PAFAH2: variants seen among roughly 807,000 people sequenced by gnomAD.
PAFAH2 encodes platelet activating factor acetylhydrolase 2.
A neutral mutation model predicts 49.0 loss-of-function variants in PAFAH2; 42 were observed. The observed-to-expected ratio is 0.86, with a 90% CI of 0.67 to 1.11. The LOEUF is 1.11. PAFAH2 is among the 50% of genes least tolerant of loss of function. The probability of loss-of-function intolerance (pLI) is 0.00; values close to 1 mark genes in which losing one functional copy is unlikely to be tolerated. For missense variants in PAFAH2, 503 were observed against 501.8 expected (o/e 1.00, Z -0.02); for synonymous variants, 184 against 181.3 (o/e 1.01, Z -0.12).
At chr1:25,974,031 T>C (rs1557517436) in intron 9 of PAFAH2, among the ~76,000 whole-genome samples, 2 of 152,232 alleles carry the variant, frequency 1.3e-5, no homozygotes, top group South Asian at 2.1e-4. Flanking sequence ...AGAAGGTTTA[T>C]GGAAGACAAC....
intron 8 of PAFAH2, 49 bp from the exon 9 acceptor site, chr1:25,974,699 A>G: frequency 6.4e-7 from 1 of 1,568,754 alleles, no homozygotes; most frequent in Non-Finnish European, 8.7e-7. Context: ...CCCAGGCAAG[A>G]ATAGTTAGGG....
At position 25,972,626 on chromosome 1, in the gene PAFAH2, C is replaced by G. The variant is rs1205970893; in HGVS notation, c.1016G>C (p.Ser339Thr). Residue 339 changes from serine to threonine, a missense_variant, in exon 10 of 11, where the codon AGC (serine) becomes ACC (threonine). Transcript: ENST00000374282. Reference protein sequence around the residue: ...GKFFSTETRGSLDPYEGQEVM... With the variant: ...GKFFSTETRGTLDPYEGQEVM... ...CTCCTGCCCTTCATAGGGGTCCAGG[C>G]TCCCACGGGTTTCAGTGGAGAAGAA... The G allele has an allele frequency of 1.2e-6, 2 of 1,613,924 alleles. No homozygotes were observed. Among genetic ancestry groups the G allele is most frequent in the Non-Finnish European group, 1.7e-6 (2 of 1,179,822 alleles).
At chr1:25,977,819 T>C (rs1278035779) in intron 7 of PAFAH2, among the ~76,000 whole-genome samples, 2 of 152,222 alleles carry the variant, frequency 1.3e-5, no homozygotes, top group Middle Eastern at 3.4e-3. Context: ...TGGACTGAGC[T>C]GAGGGTGAAA....
At chr1:25,992,315 C>G (rs1208067587) in intron 1 of PAFAH2, among the ~76,000 whole-genome samples, 2 of 151,992 alleles carry the variant, frequency 1.3e-5, no homozygotes, top group Non-Finnish European at 2.9e-5. Context: ...GAAGAAAGCA[C>G]TTATAGAAAA....
chr1:25,989,570 T>C lies in PAFAH2; in HGVS notation c.122A>G (p.Gln41Arg), dbSNP rs1268778896. Residue 41 changes from glutamine to arginine, a missense_variant, in exon 3 of 11, where the codon CAA becomes CGA. Transcript: ENST00000374282. ...CTGCTCCATGGTCTCCTCTGCCTTT[T>C]GGCAGGGGTAGAAGAGTCGAAAGAA... ...GSFFRLFYPC[Q>R]KAEETMEQPL... 3 of 1,608,692 alleles carry C rather than the reference T, an allele frequency of 1.9e-6. No individual in the cohort carries two copies. Among genetic ancestry groups the C allele is most frequent in the Non-Finnish European group, 2.5e-6 (3 of 1,177,462 alleles).
At chr1:25,994,837 G>C (rs1379374731) in intron 1 of PAFAH2, among the ~76,000 whole-genome samples, 3 of 152,144 alleles carry the variant, frequency 2.0e-5, no homozygotes, top group Admixed American at 2.0e-4. Context: ...GGTGCTCCTG[G>C]AAAGTTTCTG....
chr1:25,973,639 G>A (rs985205533), intron 9 of PAFAH2, among the ~76,000 whole-genome samples: 1 of 152,158 alleles, frequency 6.6e-6, no homozygotes, highest in East Asian at 1.9e-4. Flanking sequence ...GTGGCCCTAG[G>A]AAAGAGGGCC....
intron 9 of PAFAH2, 140 bp downstream of exon 9, chr1:25,974,340 G>T (rs2049554367): frequency 7.0e-6 from 4 of 574,418 alleles, no homozygotes; most frequent in South Asian, 7.1e-5. Context: ...AATTCTAAAA[G>T]AATTTAGACT....
intron 6 of PAFAH2, 79 bp from the exon 7 acceptor site, chr1:25,982,556 G>C: frequency 8.9e-7 from 1 of 1,119,884 alleles, no homozygotes; most frequent in South Asian, 1.3e-5. Context: ...ACAGAGCCAA[G>C]GAAGAATGCA....
chr1:25,991,719 C>T (rs2049879177), intron 1 of PAFAH2, among the ~76,000 whole-genome samples: 1 of 151,634 alleles, frequency 6.6e-6, no homozygotes, highest in Admixed American at 6.6e-5. Context: ...ATGGCGAAAC[C>T]CCGTCTCTAC....
At chr1:25,980,960 C>A (rs2049678740) in intron 7 of PAFAH2, among the ~76,000 whole-genome samples, 1 of 151,746 alleles carries the variant, frequency 6.6e-6, no homozygotes, top group East Asian at 1.9e-4. Context: ...TGTACCTCAG[C>A]CTGGGTGACA....
At chr1:25,975,018 C>T (rs889789210) in intron 8 of PAFAH2, among the ~76,000 whole-genome samples, 3 of 152,090 alleles carry the variant, frequency 2.0e-5, no homozygotes, top group African/African-American at 7.2e-5. Flanking sequence ...ATGAGTGTTC[C>T]TGCTTTCAAG....
At chr1:25,966,687 G>C (rs1459880352) in intron 10 of PAFAH2, among the ~76,000 whole-genome samples, 1 of 152,036 alleles carries the variant, frequency 6.6e-6, no homozygotes, top group Non-Finnish European at 1.5e-5. Context: ...CACTATTCGG[G>C]TGATGGGTAC....
chr1:25,992,439 G>C (rs1004350046), intron 1 of PAFAH2, among the ~76,000 whole-genome samples: 1 of 152,116 alleles, frequency 6.6e-6, no homozygotes, highest in African/African-American at 2.4e-5. Flanking sequence ...ACATTCCTAC[G>C]GCTCAGCTGC....
intron 7 of PAFAH2, among the ~76,000 whole-genome samples, chr1:25,977,142 C>T (rs1190990287): frequency 6.7e-6 from 1 of 150,246 alleles, no homozygotes; most frequent in Non-Finnish European, 1.5e-5. Flanking sequence ...CCTGCCTCAG[C>T]CTCCCGAGTA....
chr1:25,974,466 T>C lies in PAFAH2; in HGVS notation c.929+14A>G, dbSNP rs772610896. ...GGAGAGGGCCCTGGGATCACGACCT[T>C]GTGGTTTACTCACAGAACGGTTATG... On this transcript the variant is annotated intron_variant, in intron 9 of 10. Transcript: ENST00000374282. The C allele has an allele frequency of 1.9e-6, 3 of 1,584,778 alleles. No homozygotes were observed. The highest frequency in any genetic ancestry group is 3.5e-5 in the Admixed American group (2 of 57,032).
chr1:25,965,317 G>A (rs2049403288), intron 10 of PAFAH2, among the ~76,000 whole-genome samples: 1 of 152,100 alleles, frequency 6.6e-6, no homozygotes, highest in East Asian at 1.9e-4. Flanking sequence ...AATCCTAGAA[G>A]AAAAACTCTT....
Position 25,960,305 on chromosome 1 carries a change from G to A in PAFAH2, c.*1684C>T, listed in dbSNP as rs1170984448. 1 of 152,666 alleles carries A rather than the reference G, an allele frequency of 6.6e-6. No homozygotes were observed. Among genetic ancestry groups the A allele is most frequent in the Non-Finnish European group, 1.5e-5 (1 of 68,064 alleles). 9.5% of individuals were successfully genotyped at this position (152,666 alleles called of 1,614,324 possible). A position where few individuals can be genotyped will look rare whatever the true frequency, so the allele number is the denominator to read the frequency against. ...GGCCCTGACCATGGGCCATTGTGTA[G>A]AGATGCATTTCCCTTTTGCTCTTAC... On this transcript the variant is annotated 3_prime_UTR_variant, in exon 11 of 11. Coordinates refer to ENST00000374282, the MANE Select transcript of PAFAH2 (RefSeq NM_000437.4).
At position 25,959,839 on chromosome 1, in the gene PAFAH2, A is replaced by C. The variant is rs1245368618; in HGVS notation, c.*2150T>G. The C allele has an allele frequency of 2.0e-5, 3 of 152,226 alleles. No homozygotes were observed. The highest frequency in any genetic ancestry group is 7.2e-5 in the African/African-American group (3 of 41,458). The allele number at this position is 152,226 out of a possible 1,614,324, so 9.4% of individuals were successfully genotyped here. Reference sequence around the variant, plus strand: ...TGATCTCATACTAGGCCAACAACCAAGTTTCAACAAATTTTGAAGGATGGA... The same window carrying C: ...TGATCTCATACTAGGCCAACAACCACGTTTCAACAAATTTTGAAGGATGGA... On this transcript the variant is annotated 3_prime_UTR_variant, in exon 11 of 11. Transcript: ENST00000374282.
Sources: gnomAD v4.1 joint callset for allele counts (sites outside exome capture counted in the v4.1 genomes callset) on GRCh38, gnomAD v4.1.1 for gene constraint, MANE v1.5 for transcripts, NCBI Gene and HGNC (gene_info 2026-07-23, HGNC 2026-07-21) for gene names.